The following CPEB1 variants were observed in gnomAD, a reference collection of about 807,000 sequenced individuals.
CPEB1 encodes the protein cytoplasmic polyadenylation element binding protein 1, also known as cytoplasmic polyadenylation element-binding protein 1.
A neutral mutation model predicts 65.8 loss-of-function variants in CPEB1; 7 were observed. The observed-to-expected ratio is 0.11, with a 90% CI of 0.06 to 0.20. The LOEUF is 0.20. Among genes scored for constraint, CPEB1 ranks in the 10% least tolerant of loss-of-function variants. The pLI, the probability that CPEB1 is intolerant of heterozygous loss-of-function variation, is 1.00. For missense variants in CPEB1, 551 were observed against 712.2 expected, an observed-to-expected ratio of 0.77 and a Z score of 2.58; for synonymous variants, 262 against 260.0, an observed-to-expected ratio of 1.01 and a Z score of -0.08.
intron 1 of CPEB1, among the ~76,000 whole-genome samples, chr15:82,642,139 G>A (rs922721801): frequency 1.3e-5 from 2 of 152,140 alleles, no homozygotes; most frequent in South Asian, 2.1e-4. Flanking sequence ...AACTTTCTAC[G>A]GAATCTGTGC....
intron 3 of CPEB1, among the ~76,000 whole-genome samples, chr15:82,619,250 A>T (rs886272642): frequency 1.6e-4 from 25 of 152,228 alleles, no homozygotes; most frequent in Admixed American, 7.2e-4. Flanking sequence ...CTATCCACAC[A>T]GAACAAAATT....
chr15:82,552,091 G>A (rs916685351), intron 9 of CPEB1, among the ~76,000 whole-genome samples: 1 of 152,190 alleles, frequency 6.6e-6, no homozygotes, highest in Non-Finnish European at 1.5e-5. Flanking sequence ...AGGAAGGGCA[G>A]GACCAGGGAA....
At chr15:82,562,275 G>A (rs1358100989) in intron 4 of CPEB1, 2 of 447,994 alleles carry the variant, frequency 4.5e-6, no homozygotes, top group South Asian at 3.2e-5. Context: ...TTCCCTACCA[G>A]AAGTCCCTGC....
At chr15:82,613,203 A>T (rs2044346165) in intron 3 of CPEB1, among the ~76,000 whole-genome samples, 1 of 152,214 alleles carries the variant, frequency 6.6e-6, no homozygotes, top group Admixed American at 6.5e-5. Context: ...ACTAAATAAA[A>T]TATATTATGA....
intron 3 of CPEB1, among the ~76,000 whole-genome samples, chr15:82,590,916 T>C (rs891402291): frequency 7.9e-5 from 12 of 152,240 alleles, no homozygotes; most frequent in Admixed American, 2.6e-4. Flanking sequence ...CAGCCTATCA[T>C]TGACAGGCAT....
intron 1 of CPEB1, among the ~76,000 whole-genome samples, chr15:82,630,891 G>A (rs2046189755): frequency 1.3e-5 from 2 of 152,064 alleles, no homozygotes; most frequent in African/African-American, 4.8e-5. Context: ...ACACAAAATT[G>A]TGTCTTTTCA....
intron 3 of CPEB1, among the ~76,000 whole-genome samples, chr15:82,615,396 A>T (rs1671693738): frequency 6.6e-6 from 1 of 152,180 alleles, no homozygotes; most frequent in Non-Finnish European, 1.5e-5. Flanking sequence ...TGAATAAAAT[A>T]ATTTTTTCTA....
intron 3 of CPEB1, among the ~76,000 whole-genome samples, chr15:82,591,421 T>C (rs533719448): frequency 2.0e-4 from 30 of 152,182 alleles, no homozygotes; most frequent in African/African-American, 5.3e-4. Context: ...CCTGCCACCA[T>C]GCCCAGCTAA....
chr15:82,648,205 T>TGAGCG, upstream of CPEB1: 1 of 285,458 alleles, frequency 3.5e-6, no homozygotes, highest in Non-Finnish European at 6.5e-6. Context: ...GACCTAAGCC[T>TGAGCG]GAGCGCGCCA....
Position 82,555,878 on chromosome 15 carries a change from T to C in CPEB1, c.932A>G (p.Gln311Arg). Residue 311 changes from glutamine to arginine, a missense_variant, in exon 6 of 13, where the codon CAA (glutamine) becomes CGA (arginine). Coordinates refer to ENST00000684509, the MANE Select transcript of CPEB1 (RefSeq NM_001365242.1). The part of the protein sequence containing the change: ...SIEREARLHR[Q>R]AAAVNEATCT... ...GCTCAAGGCACACTCACCTGCAGCTTGTCGGTGCAGCCTGGCCTCTCTCTC... is the reference window on the plus strand; with the variant it reads ...GCTCAAGGCACACTCACCTGCAGCTCGTCGGTGCAGCCTGGCCTCTCTCTC... 6.2e-7 allele frequency: 1 copy of C among 1,610,924 alleles called. No homozygotes were observed. The highest frequency in any genetic ancestry group is 1.7e-4 in the Middle Eastern group (1 of 6,004).
intron 3 of CPEB1, among the ~76,000 whole-genome samples, chr15:82,598,342 A>T (rs1315059033): frequency 6.6e-6 from 1 of 151,962 alleles, no homozygotes; most frequent in Admixed American, 6.6e-5. Flanking sequence ...AAAAATACAA[A>T]AATTACCCGG....
At chr15:82,622,578 G>A (rs112778717) in intron 3 of CPEB1, among the ~76,000 whole-genome samples, 1,922 of 152,156 alleles carry the variant, frequency 0.013, 36 homozygotes, top group African/African-American at 0.043. Flanking sequence ...TTTTAATAGA[G>A]ACAAGGTTTC....
At chr15:82,616,670 G>C (rs1356874849) in intron 3 of CPEB1, among the ~76,000 whole-genome samples, 1 of 151,668 alleles carries the variant, frequency 6.6e-6, no homozygotes, top group Non-Finnish European at 1.5e-5. Context: ...AGCCTCCCAA[G>C]TAGCTGGGAT....
intron 3 of CPEB1, among the ~76,000 whole-genome samples, chr15:82,623,880 A>G (rs1228700999): frequency 6.6e-6 from 1 of 151,994 alleles, no homozygotes; most frequent in African/African-American, 2.4e-5. Flanking sequence ...TATAAACATT[A>G]TATTTTATGG....
At chr15:82,623,519 T>A (rs1186784792) in intron 3 of CPEB1, among the ~76,000 whole-genome samples, 1 of 152,000 alleles carries the variant, frequency 6.6e-6, no homozygotes, top group Non-Finnish European at 1.5e-5. Flanking sequence ...TCTCTACTAA[T>A]ACAAAAATTA....
intron 3 of CPEB1, among the ~76,000 whole-genome samples, chr15:82,575,396 G>A (rs527848652): frequency 3.3e-5 from 5 of 152,160 alleles, no homozygotes; most frequent in African/African-American, 1.2e-4. Context: ...TGGTAGGGGA[G>A]GGGGAGTACA....
chr15:82,644,576 A>G (rs1359069170), intron 1 of CPEB1, among the ~76,000 whole-genome samples: 2 of 152,208 alleles, frequency 1.3e-5, no homozygotes, highest in Non-Finnish European at 2.9e-5. Context: ...AAAAGTCAGG[A>G]GATCCATCAA....
chr15:82,608,599 T>C (rs1449081915), intron 3 of CPEB1, among the ~76,000 whole-genome samples: 2 of 152,226 alleles, frequency 1.3e-5, no homozygotes, highest in East Asian at 3.8e-4. Flanking sequence ...GTTTTTAGTT[T>C]TTAAACAAAT....
intron 3 of CPEB1, among the ~76,000 whole-genome samples, chr15:82,621,109 T>C (rs1233086035): frequency 1.3e-5 from 2 of 152,240 alleles, no homozygotes; most frequent in Non-Finnish European, 2.9e-5. Context: ...TGGGACTGAA[T>C]GTATTAAACT....
Sources: allele counts gnomAD v4.1 joint callset (sites outside exome capture counted in the v4.1 genomes callset), GRCh38; gene constraint gnomAD v4.1.1; transcripts MANE v1.5; gene names NCBI Gene and HGNC (gene_info 2026-07-23, HGNC 2026-07-21).